PPAT: variants seen among roughly 807,000 people sequenced by gnomAD.
The protein encoded by PPAT is amidophosphoribosyltransferase.
In PPAT, 20 loss-of-function variants were observed where a neutral mutation model predicts 60.2. The ratio of observed to expected loss-of-function variants is 0.33; its 90% CI spans 0.23 to 0.48. The LOEUF (loss-of-function observed/expected upper bound fraction) is 0.48. Among genes scored for constraint, PPAT ranks in the 20% least tolerant of loss-of-function variants. PPAT has a pLI of 0.99. For missense variants in PPAT, 349 were observed against 629.6 expected (o/e 0.55, Z 4.77); for synonymous variants, 194 against 215.1 (o/e 0.90, Z 0.86).
intron 7 of PPAT, 69 bp downstream of exon 7, chr4:56,401,258 CAAG>C: frequency 7.2e-7 from 1 of 1,392,374 alleles, no homozygotes; most frequent in Admixed American, 2.5e-5. Flanking sequence ...GCCTTTGAGG[CAAG>C]AATTGCCATG....
intron 1 of PPAT, among the ~76,000 whole-genome samples, chr4:56,426,333 C>T (rs559020440): frequency 1.4e-4 from 22 of 151,888 alleles, no homozygotes; most frequent in African/African-American, 4.8e-4. Context: ...ACCCAGGAGG[C>T]GGAGGTTGCA....
At chr4:56,405,753 G>A (rs1716226810) in intron 3 of PPAT, among the ~76,000 whole-genome samples, 2 of 152,214 alleles carry the variant, frequency 1.3e-5, no homozygotes, top group Non-Finnish European at 2.9e-5. Context: ...TCACCAGACT[G>A]TTCTTCTGTA....
intron 9 of PPAT, among the ~76,000 whole-genome samples, chr4:56,398,556 C>T (rs1055896308): frequency 1.3e-5 from 2 of 151,578 alleles, no homozygotes; most frequent in African/African-American, 4.8e-5. Context: ...CTCAAGCCAT[C>T]CTCCCACCTC....
chr4:56,422,145 A>G (rs189677654), intron 1 of PPAT: 1 of 152,234 alleles, frequency 6.6e-6, no homozygotes, highest in Admixed American at 6.5e-5. Context: ...GTGGTGGCAC[A>G]TGCCTGTAAT....
At chr4:56,418,878 C>G (rs1411700502) in intron 1 of PPAT, among the ~76,000 whole-genome samples, 1 of 152,186 alleles carries the variant, frequency 6.6e-6, no homozygotes, top group Non-Finnish European at 1.5e-5. Flanking sequence ...GGATTTATAA[C>G]TAAGTGGAGA....
At chr4:56,419,124 G>A (rs1009940713) in intron 1 of PPAT, among the ~76,000 whole-genome samples, 1 of 152,088 alleles carries the variant, frequency 6.6e-6, no homozygotes, top group Non-Finnish European at 1.5e-5. Context: ...CCAGAGTGGT[G>A]GTTTTTAAAT....
Position 56,435,615 on chromosome 4 carries a change from T to C in PPAT, c.-138A>G. On this transcript the variant is annotated 5_prime_UTR_variant, in exon 1 of 11. Coordinates refer to ENST00000264220, the MANE Select transcript of PPAT (RefSeq NM_002703.5). ...CCTTCCCGAGGGTGGCCCCAGCTACTGCGGCGGCGCGCGCTGTCCCTAGGT... is the reference window on the plus strand; with the variant it reads ...CCTTCCCGAGGGTGGCCCCAGCTACCGCGGCGGCGCGCGCTGTCCCTAGGT... 1 of 1,492,236 alleles carries C rather than the reference T, an allele frequency of 6.7e-7. No individual in the cohort carries two copies. 92.4% of individuals were successfully genotyped at this position (1,492,236 alleles called of 1,614,324 possible).
intron 1 of PPAT, chr4:56,410,907 A>G (rs1408510567): frequency 2.1e-6 from 1 of 465,736 alleles, no homozygotes; most frequent in Non-Finnish European, 2.7e-6. Flanking sequence ...GGTAAAAAAA[A>G]AAAAAAAAAA....
rs773791679 is a variant in PPAT, at chr4:56,402,144, A to G, written c.699T>C (p.Ser233=). ...TAGATAAGAAGCTACAAGATTCTGAAGACACCACCCATCCTTCTGTTTCTG... is the reference window on the plus strand; with the variant it reads ...TAGATAAGAAGCTACAAGATTCTGAGGACACCACCCATCCTTCTGTTTCTG... ...KTSETEGWVV[S]SESCSFLSIG... The change falls in exon 6 of 11, where the codon TCT becomes TCC. Residue 233 remains serine, a synonymous_variant. Coordinates refer to ENST00000264220, the MANE Select transcript of PPAT (RefSeq NM_002703.5). 7 of 1,606,876 alleles carry G rather than the reference A, an allele frequency of 4.4e-6. No individual in the cohort carries two copies. Among genetic ancestry groups the G allele is most frequent in the Non-Finnish European group, 6.0e-6 (7 of 1,174,534 alleles).
chr4:56,416,405 CT>C, intron 1 of PPAT: 1 of 889,792 alleles, frequency 1.1e-6, no homozygotes, highest in Non-Finnish European at 1.3e-6. Flanking sequence ...AAATCCTTTA[CT>C]TCTGGTTTCT....
rs1716158723 is a variant in PPAT, at chr4:56,403,112, C to T, written c.589G>A (p.Val197Ile). 2 of 1,612,414 alleles carry T rather than the reference C, an allele frequency of 1.2e-6. No homozygotes were observed. The highest frequency in any genetic ancestry group is 1.7e-6 in the Non-Finnish European group (2 of 1,178,586). ...LIMHRDVIYA[V>I]RDPYGNRPLC... ...GGACGATTTCCATAAGGATCTCGTA[C>T]TGCATAAATAACATCTCTGTGCATT... Residue 197 changes from valine to isoleucine, a missense_variant, in exon 5 of 11, where the codon GTA becomes ATA. Transcript: ENST00000264220.
intron 1 of PPAT, among the ~76,000 whole-genome samples, chr4:56,417,849 T>C (rs1468607153): frequency 1.3e-5 from 2 of 150,170 alleles, no homozygotes; most frequent in Non-Finnish European, 3.0e-5. Flanking sequence ...TTTGTTTTTT[T>C]TTTTTTTTTT....
At chr4:56,403,813 T>C (rs1220196464) in intron 3 of PPAT, among the ~76,000 whole-genome samples, 3 of 152,158 alleles carry the variant, frequency 2.0e-5, no homozygotes, top group African/African-American at 4.8e-5. Context: ...ATACATTAGC[T>C]TCTCATAAGG....
At chr4:56,423,056 AT>A (rs1236448021) in intron 1 of PPAT, 2 of 152,176 alleles carry the variant, frequency 1.3e-5, no homozygotes, top group African/African-American at 4.8e-5. Context: ...TTGCTACCTG[AT>A]AGTTTGCCTC....
chr4:56,425,478 C>G (rs950486908), intron 1 of PPAT: 2 of 533,776 alleles, frequency 3.7e-6, no homozygotes, highest in Non-Finnish European at 4.8e-6. Context: ...ATCTTAAATA[C>G]AGGCAACTTG....
Position 56,395,421 on chromosome 4 carries a change from T to A in PPAT, c.1485A>T (p.Glu495Asp). The A allele has an allele frequency of 6.2e-7, 1 of 1,611,234 alleles. No individual in the cohort carries two copies. Among genetic ancestry groups the A allele is most frequent in the South Asian group, 1.1e-5 (1 of 90,712 alleles). ...TACAATGACCACTCTTTTCAAAACA[T>A]TCCAGACCATTTCCATTTTCTTGGA... ...IMIQENGNGLECFEKSGHCTA... is the reference protein window; with the variant it reads ...IMIQENGNGLDCFEKSGHCTA... The change falls in exon 11 of 11, where the codon GAA becomes GAT. Residue 495 changes from glutamate to aspartate, a missense_variant. This residue lies in a region of PPAT where 167 missense variants were observed against 328.6 expected (regional missense o/e 0.51). Coordinates refer to ENST00000264220, the MANE Select transcript of PPAT (RefSeq NM_002703.5).
rs763309864 is a variant in PPAT, at chr4:56,396,611, ATACT to A, written c.1357+4_1357+7del. ...ATAATCAAAGTTTATAGAAATTTTA[ATACT>A]TACCTAGATATTCTGCAAGGTGATC... On this transcript the variant is annotated splice_donor_5th_base_variant and intron_variant, in intron 10 of 10. Transcript: ENST00000264220. The surrounding 1 kb of genome is among the most constrained non-coding windows in gnomAD (Gnocchi z 4.6). 2 of 1,596,850 alleles carry A rather than the reference ATACT, an allele frequency of 1.3e-6. No homozygotes were observed. Among genetic ancestry groups the A allele is most frequent in the Non-Finnish European group, 1.7e-6 (2 of 1,169,234 alleles).
chr4:56,426,521 A>G (rs1717300134), intron 1 of PPAT, among the ~76,000 whole-genome samples: 1 of 152,192 alleles, frequency 6.6e-6, no homozygotes, highest in African/African-American at 2.4e-5. Flanking sequence ...TATTCTGGAC[A>G]TGAGTGGTAC....
rs759073359 is a variant in PPAT at position 56,403,152 on chromosome 4, T to G, written c.549A>C (p.Ala183=). The G allele has an allele frequency of 6.2e-7, 1 of 1,609,084 alleles. No homozygotes were observed. The highest frequency in any genetic ancestry group is 8.5e-7 in the Non-Finnish European group (1 of 1,177,050). Residue 183 remains alanine, a synonymous_variant, in exon 5 of 11, where the codon GCA becomes GCC. Transcript: ENST00000264220. The part of the protein sequence containing the change: ...IKNLMKEAPT[A]YSLLIMHRDV... ...CTCTGTGCATTATAAGCAGGGAGTATGCTGTGGGTGCTTCCTTCATCAAGT... is the reference window on the plus strand; with the variant it reads ...CTCTGTGCATTATAAGCAGGGAGTAGGCTGTGGGTGCTTCCTTCATCAAGT...
Sources: gnomAD v4.1 joint callset for allele counts (sites outside exome capture counted in the v4.1 genomes callset) on GRCh38, gnomAD v4.1.1 for gene constraint, gnomAD v4.1.1 regional missense constraint, Gnocchi (gnomAD v3.1) non-coding constraint, MANE v1.5 for transcripts, NCBI Gene and HGNC (gene_info 2026-07-23, HGNC 2026-07-21) for gene names.